Variants in GCSAM observed in about 807,000 individuals in gnomAD.
The protein encoded by GCSAM is germinal center-associated signaling and motility protein.
A neutral mutation model predicts 17.6 loss-of-function variants in GCSAM; 8 were observed. The observed-to-expected ratio is 0.46, with a 90% CI of 0.27 to 0.82. GCSAM has a LOEUF of 0.82. GCSAM is among the 40% of genes least tolerant of loss of function. GCSAM has a pLI of 0.15. For missense variants in GCSAM, 192 were observed against 213.5 expected (o/e 0.90, Z 0.63); for synonymous variants, 68 against 69.0 (o/e 0.98, Z 0.07).
intron 1 of GCSAM, chr3:112,130,850 A>G: frequency 3.0e-6 from 1 of 336,548 alleles, no homozygotes; most frequent in South Asian, 3.2e-5. Flanking sequence ...CTCAGCTACC[A>G]TCTCTTTGGT....
At chr3:112,124,679 C>T (rs533298679) in intron 5 of GCSAM, among the ~76,000 whole-genome samples, 4 of 152,162 alleles carry the variant, frequency 2.6e-5, no homozygotes, top group African/African-American at 9.6e-5. Flanking sequence ...TATTTAATTA[C>T]CCTCTAGAGA....
rs1026439535 is a variant in GCSAM at position 112,122,994 on chromosome 3, A to C, written c.*461T>G. On this transcript the variant is annotated 3_prime_UTR_variant, in exon 6 of 6. Coordinates refer to ENST00000308910, the MANE Select transcript of GCSAM (RefSeq NM_152785.5). The stretch of plus-strand genomic sequence containing the variant: ...AGACACATGGAGTGAGAGGAGCAAC[A>C]CAGGCTCCCATGGGTGGGGACTGAG... The C allele has an allele frequency of 4.4e-5, 8 of 181,604 alleles. No homozygotes were observed. The highest frequency in any genetic ancestry group is 7.0e-5 in the Non-Finnish European group (6 of 85,940). 11.2% of individuals were successfully genotyped at this position (181,604 alleles called of 1,614,324 possible). A position where few individuals can be genotyped will look rare whatever the true frequency, so the allele number is the denominator to read the frequency against.
intron 4 of GCSAM, among the ~76,000 whole-genome samples, chr3:112,126,281 G>A (rs1289214804): frequency 1.3e-5 from 2 of 152,088 alleles, no homozygotes; most frequent in East Asian, 1.9e-4. Flanking sequence ...AAATGAATTA[G>A]GTTCTCCTCT....
rs936542158 is a variant in GCSAM, at chr3:112,125,225, C to G, written c.219+1G>C. ...AAATAGCTTAGAGATGTTCTTATTA[C>G]CTGGATGGGAGTAGATGACATTCTT... is the stretch of plus-strand genomic sequence containing the variant. On this transcript the variant is annotated splice_donor_variant, in intron 5 of 5. Transcript: ENST00000308910. LOFTEE classifies it high-confidence loss of function. 1.3e-6 allele frequency: 2 copies of G among 1,563,092 alleles called. No individual in the cohort carries two copies. The highest frequency in any genetic ancestry group is 1.8e-6 in the Non-Finnish European group (2 of 1,133,876).
intron 4 of GCSAM, among the ~76,000 whole-genome samples, chr3:112,126,705 G>A (rs2074328006): frequency 6.6e-6 from 1 of 152,086 alleles, no homozygotes; most frequent in African/African-American, 2.4e-5. Flanking sequence ...TTTCTTGTAA[G>A]TGCCTTTCTC....
rs1165046397 is a variant in GCSAM, at chr3:112,121,244, A to T, written c.*2211T>A. The T allele has an allele frequency of 3.3e-5, 5 of 152,208 alleles. No homozygotes were observed. The highest frequency in any genetic ancestry group is 5.9e-5 in the Non-Finnish European group (4 of 68,034). The allele number at this position is 152,208 out of a possible 1,614,324, so 9.4% of individuals were successfully genotyped here. A position where few individuals can be genotyped will look rare whatever the true frequency, so the allele number is the denominator to read the frequency against. On this transcript the variant is annotated 3_prime_UTR_variant, in exon 6 of 6. Coordinates refer to ENST00000308910, the MANE Select transcript of GCSAM (RefSeq NM_152785.5). Reference sequence around the variant, plus strand: ...AATATTTCAACCAGTCTACTTCCACAATGGTCCAGTGGCCATGTGAAAAAT... The same window carrying T: ...AATATTTCAACCAGTCTACTTCCACTATGGTCCAGTGGCCATGTGAAAAAT...
intron 1 of GCSAM, chr3:112,132,866 A>G (rs927829511): frequency 4.2e-5 from 21 of 500,116 alleles, no homozygotes; most frequent in Admixed American, 3.5e-4. Flanking sequence ...CCTTTCAGCT[A>G]TTCTCCATCA....
chr3:112,132,986 C>A, intron 1 of GCSAM, 106 bp downstream of exon 1: 1 of 1,138,710 alleles, frequency 8.8e-7, no homozygotes, highest in Non-Finnish European at 1.3e-6. Flanking sequence ...CAACTACTTT[C>A]TACCCCAACT....
At chr3:112,132,086 A>G (rs571148224) in intron 1 of GCSAM, among the ~76,000 whole-genome samples, 1 of 152,352 alleles carries the variant, frequency 6.6e-6, no homozygotes, top group South Asian at 2.1e-4. Context: ...ATATCTAGTA[A>G]TAAAAATAGT....
intron 2 of GCSAM, chr3:112,128,967 T>A (rs187459725): frequency 2.0e-4 from 30 of 152,408 alleles, no homozygotes; most frequent in Non-Finnish European, 4.0e-4. Flanking sequence ...TGAAGTTTCA[T>A]CAGGAGGAGC....
intron 1 of GCSAM, among the ~76,000 whole-genome samples, chr3:112,131,279 C>T (rs550868567): frequency 2.0e-5 from 3 of 152,220 alleles, no homozygotes; most frequent in Admixed American, 6.5e-5. Context: ...TGGCAGGTCT[C>T]TTCCTCTGAG....
In GCSAM at chr3:112,132,979, C is replaced by T. The variant is rs554035385; in HGVS notation, c.29+113G>A. ...AAGGCTTGGCAGTTTCCTTACCCAA[C>T]TACTTTCTACCCCAACTTAGTGTGC... On this transcript the variant is annotated intron_variant, in intron 1 of 5. Transcript: ENST00000308910. 41 of 1,060,482 alleles carry T rather than the reference C, an allele frequency of 3.9e-5. No homozygotes were observed. The South Asian group carries it at 6.4e-4, about 17-fold the overall frequency. The allele number at this position is 1,060,482 out of a possible 1,614,324, so 65.7% of individuals were successfully genotyped here. A position where few individuals can be genotyped will look rare whatever the true frequency, so the allele number is the denominator to read the frequency against.
chr3:112,126,492 A>G (rs558241254), intron 4 of GCSAM, among the ~76,000 whole-genome samples: 1 of 152,172 alleles, frequency 6.6e-6, no homozygotes. Context: ...TTCTTCTGGT[A>G]TCTGCTCTTC....
chr3:112,124,804 T>A (rs1053948152), intron 5 of GCSAM, among the ~76,000 whole-genome samples: 4 of 152,158 alleles, frequency 2.6e-5, no homozygotes, highest in Admixed American at 6.5e-5. Context: ...GATTGTGAAG[T>A]GAGACTTGGT....
At chr3:112,130,191 CAG>C (rs2074419098) in intron 2 of GCSAM, 2 of 471,954 alleles carry the variant, frequency 4.2e-6, no homozygotes, top group South Asian at 7.3e-5. Context: ...TATTTTATAA[CAG>C]GGCATAACAG....
chr3:112,130,114 G>A (rs747608479), intron 2 of GCSAM: 1 of 273,000 alleles, frequency 3.7e-6, no homozygotes, highest in Non-Finnish European at 7.1e-6. Context: ...AAAATGGCTA[G>A]GGTGGAGGTT....
chr3:112,133,054 C>CTG, intron 1 of GCSAM, 38 bp downstream of exon 1: 1 of 1,602,116 alleles, frequency 6.2e-7, no homozygotes, highest in Non-Finnish European at 8.6e-7. Flanking sequence ...TTGTCCTGTC[C>CTG]CATCTCCTCT....
chr3:112,127,922 C>T, intron 3 of GCSAM, 95 bp downstream of exon 3: 1 of 989,164 alleles, frequency 1.0e-6, no homozygotes, highest in Middle Eastern at 2.1e-4. Context: ...GACAGGCTTC[C>T]ACTGTGGCCA....
chr3:112,130,219 T>C (rs1273170709), intron 2 of GCSAM: 1 of 569,940 alleles, frequency 1.8e-6, no homozygotes, highest in African/African-American at 1.9e-5. Flanking sequence ...AGCAGGGTCT[T>C]AGTTCCTGTT....
Sources: gnomAD v4.1 joint callset for allele counts (sites outside exome capture counted in the v4.1 genomes callset) on GRCh38, gnomAD v4.1.1 for gene constraint, MANE v1.5 for transcripts, NCBI Gene and HGNC (gene_info 2026-07-23, HGNC 2026-07-21) for gene names.